DYNC2LI1: variants seen among roughly 807,000 people sequenced by gnomAD.
The protein encoded by DYNC2LI1 is dynein cytoplasmic 2 light intermediate chain 1.
Under a neutral mutation model 51.9 loss-of-function variants are expected in DYNC2LI1, and 45 were observed. That is an observed-to-expected ratio of 0.87 (90% CI 0.68 to 1.11). The LOEUF (loss-of-function observed/expected upper bound fraction) is 1.11, where lower values mean the gene tolerates loss of function less well. Ranked by LOEUF, DYNC2LI1 falls within the 50% of genes most tolerant of loss-of-function variation. The probability of loss-of-function intolerance (pLI) is 0.00; values close to 1 mark genes in which losing one functional copy is unlikely to be tolerated. For synonymous variants in DYNC2LI1, 130 were observed against 137.8 expected (o/e 0.94, Z 0.40); for missense variants, 490 against 417.4 (o/e 1.17, Z -1.51).
chr2:43,805,932 A>T (rs1331564888), intron 12 of DYNC2LI1, among the ~76,000 whole-genome samples: 3 of 148,980 alleles, frequency 2.0e-5, no homozygotes, highest in Non-Finnish European at 4.4e-5. Flanking sequence ...CCCAGGCTGG[A>T]GTGCAGTGGC....
At chr2:43,826,166 C>CTTA in the DYNC2LI1 span, among the ~76,000 whole-genome samples, 1 of 141,970 alleles carries the variant, frequency 7.0e-6, no homozygotes, top group Non-Finnish European at 1.5e-5. Flanking sequence ...TTCTTTCTTT[C>CTTA]TTTTTTTTTT....
rs1376812106 is a variant in DYNC2LI1, at chr2:43,795,898, A to AT, written c.518dup (p.Leu173PhefsTer3). On this transcript the variant is annotated frameshift_variant, in exon 7 of 13. Transcript: ENST00000260605. LOFTEE classifies it high-confidence loss of function. Reference sequence around the variant, plus strand: ...AATATGTTTATTAGCAGGATCATGAATTAATTGACCCATTTCCGGTACCTC... The same window carrying AT: ...AATATGTTTATTAGCAGGATCATGAATTTAATTGACCCATTTCCGGTACCTC... The AT allele has an allele frequency of 2.5e-6, 4 of 1,612,474 alleles. No homozygotes were observed. The Admixed American group carries it at 6.7e-5, about 27-fold the overall frequency.
intron 7 of DYNC2LI1, among the ~76,000 whole-genome samples, chr2:43,796,265 T>G (rs1572711853): frequency 6.6e-6 from 1 of 151,110 alleles, no homozygotes; most frequent in East Asian, 1.9e-4. Context: ...CCCAGGAATT[T>G]GAGGTTACAG....
In DYNC2LI1 at chr2:43,774,058, C is replaced by T. The variant is rs2104648363; in HGVS notation, c.-81C>T. ...CAACCCAGAAGGCCTCACTCCCAGA[C>T]TCCTTGCGGAGCTCGCCGCCTGATT... On this transcript the variant is annotated 5_prime_UTR_variant, in exon 1 of 13. Transcript: ENST00000260605. 6 of 1,595,668 alleles carry T rather than the reference C, an allele frequency of 3.8e-6. No homozygotes were observed. The highest frequency in any genetic ancestry group is 1.7e-5 in the Admixed American group (1 of 58,432).
chr2:43,805,426 A>G lies in DYNC2LI1; in HGVS notation c.993+180A>G, dbSNP rs377257295. The G allele has an allele frequency of 1.6e-4, 55 of 350,090 alleles. No homozygotes were observed. In the South Asian group the frequency reaches 4.8e-3, roughly 31 times the overall value. 21.7% of individuals were successfully genotyped at this position (350,090 alleles called of 1,614,324 possible). A position where few individuals can be genotyped will look rare whatever the true frequency, so the allele number is the denominator to read the frequency against. ...CTAATAGTATACTGTAGAAAAAATA[A>G]AAATTTGATATGAATAAAGAAAAAT... is the stretch of plus-strand genomic sequence containing the variant. On this transcript the variant is annotated intron_variant, in intron 12 of 12. Transcript: ENST00000260605.
intron 5 of DYNC2LI1, among the ~76,000 whole-genome samples, chr2:43,791,268 C>T (rs762948982): frequency 3.2e-4 from 48 of 152,148 alleles, no homozygotes; most frequent in Non-Finnish European, 5.3e-4. Flanking sequence ...CTTCCAGTTA[C>T]AGTGGCCAGA....
At chr2:43,817,387 A>G in the DYNC2LI1 span, among the ~76,000 whole-genome samples, 4 of 152,162 alleles carry the variant, frequency 2.6e-5, no homozygotes, top group East Asian at 7.7e-4. Flanking sequence ...CAGGAGGCTA[A>G]GGCAGGAGAA....
chr2:43,791,865 T>C (rs754118315), intron 5 of DYNC2LI1, among the ~76,000 whole-genome samples: 2 of 152,174 alleles, frequency 1.3e-5, no homozygotes, highest in Non-Finnish European at 2.9e-5. Context: ...TTTAGGAGTT[T>C]ATGTAAAAAA....
At chr2:43,774,843 T>G (rs1672939706) in intron 1 of DYNC2LI1, among the ~76,000 whole-genome samples, 1 of 152,222 alleles carries the variant, frequency 6.6e-6, no homozygotes, top group African/African-American at 2.4e-5. Flanking sequence ...CGTGGCTGAC[T>G]GCAGCACCTC....
chr2:43,783,678 GC>G (rs1189946663), intron 3 of DYNC2LI1, 124 bp downstream of exon 3: 1 of 601,740 alleles, frequency 1.7e-6, no homozygotes. Context: ...TTAATTCTTA[GC>G]AAATCCTTAG....
intron 5 of DYNC2LI1, 35 bp downstream of exon 5, chr2:43,789,756 C>T (rs775896619): frequency 3.1e-5 from 48 of 1,571,396 alleles, no homozygotes; most frequent in Non-Finnish European, 4.0e-5. Context: ...CCTGTAAGTA[C>T]ACAGGAGTGT....
intron 2 of DYNC2LI1, among the ~76,000 whole-genome samples, chr2:43,782,034 TG>T (rs2104667635): frequency 6.6e-6 from 1 of 152,226 alleles, no homozygotes; most frequent in East Asian, 1.9e-4. Flanking sequence ...TGTGTGTGTG[TG>T]TACTTCAAGG....
intron 12 of DYNC2LI1, 149 bp downstream of exon 12, chr2:43,805,395 A>G (rs1558699241): frequency 2.0e-6 from 1 of 498,086 alleles, no homozygotes; most frequent in African/African-American, 2.0e-5. Context: ...CTATTTAAAT[A>G]ACACACTAAT....
At chr2:43,791,741 G>A (rs750145968) in intron 5 of DYNC2LI1, among the ~76,000 whole-genome samples, 1 of 152,172 alleles carries the variant, frequency 6.6e-6, no homozygotes, top group Non-Finnish European at 1.5e-5. Context: ...GCCAAATACT[G>A]TTAGATACTG....
chr2:43,775,138 T>C (rs2104651189), intron 1 of DYNC2LI1, among the ~76,000 whole-genome samples: 1 of 152,364 alleles, frequency 6.6e-6, no homozygotes, highest in East Asian at 1.9e-4. Flanking sequence ...ATAAAGCTGA[T>C]ACTCTTTTTT....
intron 2 of DYNC2LI1, among the ~76,000 whole-genome samples, chr2:43,782,713 G>A (rs147620605): frequency 0.047 from 7,198 of 152,234 alleles, 321 homozygotes; most frequent in African/African-American, 0.11. Flanking sequence ...TGGGCATGGT[G>A]GCTCACACCT....
At chr2:43,826,223 C>T in the DYNC2LI1 span, among the ~76,000 whole-genome samples, 2 of 150,666 alleles carry the variant, frequency 1.3e-5, no homozygotes, top group Non-Finnish European at 3.0e-5. Context: ...TGGACTCAAA[C>T]TCCTGGCCTC....
intron 8 of DYNC2LI1, among the ~76,000 whole-genome samples, chr2:43,799,163 T>C (rs1178228142): frequency 6.6e-6 from 1 of 152,032 alleles, no homozygotes; most frequent in African/African-American, 2.4e-5. Context: ...TAGCCAGTCA[T>C]CATAGTGCAT....
chr2:43,794,935 T>G, intron 6 of DYNC2LI1: 1 of 1,310,212 alleles, frequency 7.6e-7, no homozygotes, highest in South Asian at 2.4e-5. Context: ...TTATAATCTC[T>G]GTAAAAATGA....
Sources: allele counts gnomAD v4.1 joint callset (sites outside exome capture counted in the v4.1 genomes callset), GRCh38; gene constraint gnomAD v4.1.1; transcripts MANE v1.5; gene names NCBI Gene and HGNC (gene_info 2026-07-23, HGNC 2026-07-21).